The following PDE3A variants were observed in gnomAD, a reference collection of about 807,000 sequenced individuals.
PDE3A encodes phosphodiesterase 3A, also known as cGMP-inhibited 3',5'-cyclic phosphodiesterase 3A.
In PDE3A, 43 loss-of-function variants were observed where a neutral mutation model predicts 98.3. The observed-to-expected ratio is 0.44, with a 90% CI of 0.34 to 0.56. The LOEUF (loss-of-function observed/expected upper bound fraction) is 0.56. PDE3A is among the 20% of genes least tolerant of loss of function. The pLI, the probability that PDE3A is intolerant of heterozygous loss-of-function variation, is 0.01. For synonymous variants in PDE3A, 663 were observed against 567.9 expected, an observed-to-expected ratio of 1.17 and a Z score of -2.38; for missense variants, 1,427 against 1,440.7, an observed-to-expected ratio of 0.99 and a Z score of 0.15.
intron 1 of PDE3A, among the ~76,000 whole-genome samples, chr12:20,483,119 G>T (rs557759747): frequency 6.6e-6 from 1 of 152,032 alleles, no homozygotes; most frequent in Non-Finnish European, 1.5e-5. Flanking sequence ...GGCCTTACGC[G>T]GTAGCTCACT....
intron 1 of PDE3A, among the ~76,000 whole-genome samples, chr12:20,423,530 C>T (rs1565544602): frequency 6.6e-6 from 1 of 152,200 alleles, no homozygotes; most frequent in Admixed American, 6.5e-5. Context: ...CAGCCTCATG[C>T]ATCTGGACAA....
At position 20,680,010 on chromosome 12, in the gene PDE3A, TTTTATTTTA is replaced by T; in HGVS notation, c.3185-10_3185-2del. Reference sequence around the variant, plus strand: ...CAACTAAGTAGTCTGATTTGGTGTTTTTTATTTTATTTATTTTAGAAAAGAAGACTTTCA... The same window carrying T: ...CAACTAAGTAGTCTGATTTGGTGTTTTTTATTTTAGAAAAGAAGACTTTCA... On this transcript the variant is annotated splice_polypyrimidine_tract_variant and intron_variant, in intron 15 of 15. Transcript: ENST00000359062. The T allele has an allele frequency of 1.9e-6, 3 of 1,563,446 alleles. No homozygotes were observed. The highest frequency in any genetic ancestry group is 2.6e-6 in the Non-Finnish European group (3 of 1,146,840).
chr12:20,570,407 CAAAAAAAAAAAAAAAAAA>C (rs61242685), intron 2 of PDE3A, among the ~76,000 whole-genome samples: 4 of 43,344 alleles, frequency 9.2e-5, no homozygotes, highest in South Asian at 1.4e-3. Context: ...GACGCTGTCT[CAAAAAAAAAAAAAAAAAA>C]AAAAAAAAAA....
intron 5 of PDE3A, among the ~76,000 whole-genome samples, chr12:20,625,860 G>C (rs1252066277): frequency 2.0e-5 from 3 of 151,938 alleles, no homozygotes; most frequent in Non-Finnish European, 4.4e-5. Context: ...TAAATGTTTT[G>C]ATTTTAAGTA....
chr12:20,568,261 T>C (rs897619187), intron 2 of PDE3A, among the ~76,000 whole-genome samples: 62 of 152,100 alleles, frequency 4.1e-4, no homozygotes, highest in African/African-American at 1.4e-3. Flanking sequence ...TCATAACATT[T>C]AGCGTTAAGT....
rs372874740 is a variant in PDE3A at position 20,399,107 on chromosome 12, A to G, written c.960+28863A>G. Among the ~76,000 whole-genome samples, 15 of 152,290 alleles carry G rather than the reference A, an allele frequency of 9.8e-5. No individual in the cohort carries two copies. In the East Asian group the frequency reaches 2.5e-3, roughly 26 times the overall value. On this transcript the variant is annotated intron_variant, in intron 1 of 15. Coordinates refer to ENST00000359062, the MANE Select transcript of PDE3A (RefSeq NM_000921.5). ...TTATGACTGGCTTAGTTTACTTGGCATAATGTCTTCAGAGTTCATCCATGT... is the reference window on the plus strand; with the variant it reads ...TTATGACTGGCTTAGTTTACTTGGCGTAATGTCTTCAGAGTTCATCCATGT...
chr12:20,498,900 G>A (rs367836152), intron 1 of PDE3A, among the ~76,000 whole-genome samples: 4 of 151,972 alleles, frequency 2.6e-5, no homozygotes, highest in African/African-American at 9.7e-5. Flanking sequence ...GATGCAAAAA[G>A]GAACAGCAGT....
chr12:20,521,135 GTTT>G (rs11289147), intron 1 of PDE3A, among the ~76,000 whole-genome samples: 4 of 127,096 alleles, frequency 3.1e-5, no homozygotes, highest in Non-Finnish European at 5.3e-5. Context: ...CTCCTGGAGT[GTTT>G]TTTTTTTTTT....
intron 1 of PDE3A, among the ~76,000 whole-genome samples, chr12:20,487,501 T>TAAAAAAAAAAAAA (rs34671800): frequency 3.2e-5 from 2 of 61,976 alleles, no homozygotes; most frequent in Non-Finnish European, 5.7e-5. Context: ...CTGTCTCTAC[T>TAAAAAAAAAAAAA]AAAAAAAAAA....
chr12:20,547,915 T>C (rs952202912), intron 1 of PDE3A, among the ~76,000 whole-genome samples: 7 of 152,158 alleles, frequency 4.6e-5, no homozygotes, highest in African/African-American at 1.7e-4. Context: ...AACCTTTTTG[T>C]TTCCATGCTG....
chr12:20,385,160 CGTT>C (rs1422976553), intron 1 of PDE3A, among the ~76,000 whole-genome samples: 4 of 151,988 alleles, frequency 2.6e-5, no homozygotes, highest in South Asian at 2.1e-4. Flanking sequence ...AGTGTAAACG[CGTT>C]GTTATTTCTC....
intron 10 of PDE3A, among the ~76,000 whole-genome samples, chr12:20,644,100 CAGG>C (rs141671667): frequency 0.19 from 28,619 of 152,026 alleles, 2,753 homozygotes; most frequent in East Asian, 0.34. Context: ...CAGCTTGCAA[CAGG>C]AGAAGATAAT....
chr12:20,557,524 T>TA (rs576927484), intron 2 of PDE3A, among the ~76,000 whole-genome samples: 124 of 152,234 alleles, frequency 8.1e-4, no homozygotes, highest in African/African-American at 2.7e-3. Flanking sequence ...CATTTGCTAC[T>TA]AAAAAATATA....
chr12:20,674,917 A>G (rs1042260669), intron 15 of PDE3A, among the ~76,000 whole-genome samples: 1 of 151,758 alleles, frequency 6.6e-6, no homozygotes, highest in Non-Finnish European at 1.5e-5. Context: ...GACACATTGT[A>G]CTTTTTAAAT....
At chr12:20,473,336 A>G (rs1425301772) in intron 1 of PDE3A, among the ~76,000 whole-genome samples, 1 of 152,150 alleles carries the variant, frequency 6.6e-6, no homozygotes, top group Non-Finnish European at 1.5e-5. Context: ...ATTCTTGAAT[A>G]CCAGCCCCAG....
intron 14 of PDE3A, 147 bp downstream of exon 14, chr12:20,650,747 A>T (rs1944897607): frequency 2.3e-6 from 1 of 443,302 alleles, no homozygotes; most frequent in Non-Finnish European, 3.9e-6. Context: ...TTTGATCAGG[A>T]GACAAAAAGT....
chr12:20,666,576 C>T (rs1049623079), intron 15 of PDE3A, among the ~76,000 whole-genome samples: 1 of 152,058 alleles, frequency 6.6e-6, no homozygotes, highest in African/African-American at 2.4e-5. Flanking sequence ...TAATGATCTC[C>T]AGTTCCATTA....
At chr12:20,479,750 C>T (rs796170907) in intron 1 of PDE3A, among the ~76,000 whole-genome samples, 7 of 152,262 alleles carry the variant, frequency 4.6e-5, no homozygotes, top group African/African-American at 1.4e-4. Context: ...CAGCTTCAGT[C>T]GCCATTGCTT....
At chr12:20,640,782 CAG>C (rs1303699473) in intron 10 of PDE3A, among the ~76,000 whole-genome samples, 1 of 151,850 alleles carries the variant, frequency 6.6e-6, no homozygotes, top group African/African-American at 2.4e-5. Flanking sequence ...TAGGTCGAAA[CAG>C]GGAAATTGTG....
Sources: gnomAD v4.1 joint callset for allele counts (sites outside exome capture counted in the v4.1 genomes callset) on GRCh38, gnomAD v4.1.1 for gene constraint, MANE v1.5 for transcripts, NCBI Gene and HGNC (gene_info 2026-07-23, HGNC 2026-07-21) for gene names.